ARHGAP5: variants seen among roughly 807,000 people sequenced by gnomAD.
ARHGAP5 encodes the protein rho GTPase-activating protein 5.
A neutral mutation model predicts 116.6 loss-of-function variants in ARHGAP5; 23 were observed. The observed-to-expected ratio is 0.20, with a 90% CI of 0.14 to 0.28. The LOEUF is 0.28. Among genes scored for constraint, ARHGAP5 ranks in the 10% least tolerant of loss-of-function variants. ARHGAP5 has a pLI of 1.00. For missense variants in ARHGAP5, 1,405 were observed against 1,774.8 expected, an observed-to-expected ratio of 0.79 and a Z score of 3.74; for synonymous variants, 574 against 602.0, an observed-to-expected ratio of 0.95 and a Z score of 0.68.
chr14:32,094,014 T>C lies in ARHGAP5; in HGVS notation c.3345T>C (p.Ser1115=). 1 of 1,613,148 alleles carries C rather than the reference T, an allele frequency of 6.2e-7. No homozygotes were observed. Among genetic ancestry groups the C allele is most frequent in the East Asian group, 2.2e-5 (1 of 44,880 alleles). Residue 1115 remains serine, a synonymous_variant, in exon 2 of 7, where the codon AGT becomes AGC. Transcript: ENST00000345122. ...AGATTTATGTTGTCCCAGATGATAGTCAAAATCGTATTAAAATTCGAAACT... is the reference window on the plus strand; with the variant it reads ...AGATTTATGTTGTCCCAGATGATAGCCAAAATCGTATTAAAATTCGAAACT... ...SDEIYVVPDD[S]QNRIKIRNSF... is the part of the protein sequence containing the mutation.
intron 3 of ARHGAP5, among the ~76,000 whole-genome samples, chr14:32,128,263 A>C (rs1880289590): frequency 6.6e-6 from 1 of 151,926 alleles, no homozygotes; most frequent in African/African-American, 2.4e-5. Flanking sequence ...GACGCTCCTC[A>C]CTTCCTAGAT....
intron 3 of ARHGAP5, among the ~76,000 whole-genome samples, chr14:32,132,886 A>C (rs1398163880): frequency 6.6e-6 from 1 of 151,934 alleles, no homozygotes; most frequent in Admixed American, 6.5e-5. Context: ...GTCAAAGATC[A>C]GATAGTTGTA....
chr14:32,107,129 C>G (rs1243703571), intron 2 of ARHGAP5, among the ~76,000 whole-genome samples: 1 of 152,166 alleles, frequency 6.6e-6, no homozygotes, highest in Non-Finnish European at 1.5e-5. Flanking sequence ...TTAAATTCCA[C>G]TGATTTTTAA....
chr14:32,137,072 A>G (rs186999959), intron 3 of ARHGAP5, among the ~76,000 whole-genome samples: 15 of 151,842 alleles, frequency 9.9e-5, no homozygotes. Flanking sequence ...TTAAATGTTA[A>G]TGAAATCCAA....
chr14:32,146,482 G>A, intron 4 of ARHGAP5, 142 bp downstream of exon 4: 1 of 628,584 alleles, frequency 1.6e-6, no homozygotes, highest in Non-Finnish European at 2.8e-6. Context: ...GAGATTAGAA[G>A]CACTAAGTAA....
At chr14:32,128,717 T>C (rs1205408843) in intron 3 of ARHGAP5, among the ~76,000 whole-genome samples, 2 of 152,258 alleles carry the variant, frequency 1.3e-5, no homozygotes, top group Non-Finnish European at 2.9e-5. Flanking sequence ...GAATAAATGC[T>C]TTTGGGATTA....
intron 1 of ARHGAP5, among the ~76,000 whole-genome samples, chr14:32,078,981 T>G (rs1017017522): frequency 6.6e-6 from 1 of 152,260 alleles, no homozygotes; most frequent in African/African-American, 2.4e-5. Context: ...TTTCTCATTT[T>G]TTGCTTTCAT....
At chr14:32,127,900 G>A (rs988359107) in intron 3 of ARHGAP5, among the ~76,000 whole-genome samples, 1 of 149,128 alleles carries the variant, frequency 6.7e-6, no homozygotes, top group African/African-American at 2.5e-5. Context: ...GGGGCGGCTG[G>A]GCAGAGGCAC....
chr14:32,111,447 T>TTA (rs1390959621), intron 2 of ARHGAP5, among the ~76,000 whole-genome samples: 1 of 152,182 alleles, frequency 6.6e-6, no homozygotes, highest in Admixed American at 6.5e-5. Flanking sequence ...TGAGAACTAA[T>TTA]TATAGAAAAC....
In ARHGAP5 at chr14:32,152,963, G is replaced by T. The variant is rs1881709051; in HGVS notation, c.4181+435G>T. Among the ~76,000 whole-genome samples, 5 of 151,256 alleles carry T rather than the reference G, an allele frequency of 3.3e-5. 1 individual carries two copies. Among genetic ancestry groups the T allele is most frequent in the Admixed American group, 3.3e-4 (5 of 15,188 alleles). ...ACAAAGTTGTTCTGAGGACTGAATGGAACTATTTTAGTATATGTACTAATT... is the reference window on the plus strand; with the variant it reads ...ACAAAGTTGTTCTGAGGACTGAATGTAACTATTTTAGTATATGTACTAATT... On this transcript the variant is annotated intron_variant, in intron 6 of 6. Coordinates refer to ENST00000345122, the MANE Select transcript of ARHGAP5 (RefSeq NM_001030055.2).
chr14:32,091,725 T>C lies in ARHGAP5; in HGVS notation c.1056T>C (p.Asn352=). Residue 352 remains asparagine (N), a synonymous_variant, in exon 2 of 7, where the codon AAT becomes AAC. Transcript: ENST00000345122. ...LPRAFNTLLP[N]LEEIEHLNWS... ...GAGCTTTTAACACTCTTTTGCCAAA[T>C]CTAGAAGAGATTGAACATTTGAATT... is the stretch of plus-strand genomic sequence containing the variant. The C allele has an allele frequency of 6.2e-7, 1 of 1,612,904 alleles. No individual in the cohort carries two copies. The highest frequency in any genetic ancestry group is 1.1e-5 in the South Asian group (1 of 90,860).
intron 3 of ARHGAP5, among the ~76,000 whole-genome samples, chr14:32,120,467 A>G (rs777799991): frequency 6.6e-6 from 1 of 151,812 alleles, no homozygotes; most frequent in South Asian, 2.1e-4. Context: ...ATAGAAATCT[A>G]GATTACTGTG....
intron 3 of ARHGAP5, among the ~76,000 whole-genome samples, chr14:32,138,715 A>G (rs1880940200): frequency 6.6e-6 from 1 of 152,038 alleles, no homozygotes; most frequent in Admixed American, 6.5e-5. Flanking sequence ...CTTGCCTAAA[A>G]CTCCAGTGTA....
At chr14:32,139,342 G>A (rs1236942397) in intron 3 of ARHGAP5, among the ~76,000 whole-genome samples, 1 of 151,622 alleles carries the variant, frequency 6.6e-6, no homozygotes, top group African/African-American at 2.4e-5. Context: ...TCTTGTATTG[G>A]GCTTTTTTGT....
chr14:32,087,537 A>C (rs2041842502), intron 1 of ARHGAP5, among the ~76,000 whole-genome samples: 1 of 143,266 alleles, frequency 7.0e-6, no homozygotes, highest in East Asian at 2.0e-4. Context: ...TAAACCTATA[A>C]ATCAGATAAG....
intron 3 of ARHGAP5, among the ~76,000 whole-genome samples, chr14:32,125,429 T>C (rs1345445935): frequency 6.6e-6 from 1 of 152,224 alleles, no homozygotes. Context: ...TTGTGAACAG[T>C]CTGCTGTGAA....
intron 1 of ARHGAP5, among the ~76,000 whole-genome samples, chr14:32,079,807 A>G (rs959917303): frequency 6.6e-6 from 1 of 152,186 alleles, no homozygotes; most frequent in African/African-American, 2.4e-5. Flanking sequence ...TGTAGTTTCC[A>G]TAGATACTAT....
At chr14:32,097,805 A>G (rs1386773226) in intron 2 of ARHGAP5, among the ~76,000 whole-genome samples, 1 of 152,228 alleles carries the variant, frequency 6.6e-6, no homozygotes, top group Middle Eastern at 3.2e-3. Flanking sequence ...AATCAAAAAT[A>G]GGTTGCATTT....
At chr14:32,078,669 A>C (rs946557992) in intron 1 of ARHGAP5, among the ~76,000 whole-genome samples, 1 of 152,132 alleles carries the variant, frequency 6.6e-6, no homozygotes, top group Non-Finnish European at 1.5e-5. Flanking sequence ...ATTCAGTTAG[A>C]ATGTTAGGTG....
Sources: gnomAD v4.1 joint callset for allele counts (sites outside exome capture counted in the v4.1 genomes callset) on GRCh38, gnomAD v4.1.1 for gene constraint, MANE v1.5 for transcripts, NCBI Gene and HGNC (gene_info 2026-07-23, HGNC 2026-07-21) for gene names.